Variants in PRMT8 observed in about 807,000 individuals in gnomAD.
PRMT8 encodes protein arginine methyltransferase 8.
In PRMT8, 7 loss-of-function variants were observed where a neutral mutation model predicts 47.1. That is an observed-to-expected ratio of 0.15 (90% CI 0.08 to 0.28). The LOEUF is 0.28. Ranked by LOEUF, PRMT8 falls within the 10% of genes least tolerant of loss-of-function variation. The pLI is 1.00. For missense variants in PRMT8, 237 were observed against 505.4 expected, an observed-to-expected ratio of 0.47 and a Z score of 5.09; for synonymous variants, 188 against 186.5, an observed-to-expected ratio of 1.01 and a Z score of -0.07.
Position 3,569,423 on chromosome 12 carries a change from G to A in PRMT8, c.625-54G>A, listed in dbSNP as rs1423828114. 8.3e-6 allele frequency: 12 copies of A among 1,445,246 alleles called. No individual in the cohort carries two copies. In the Admixed American group the frequency reaches 1.2e-4, roughly 14 times the overall value. The allele number at this position is 1,445,246 out of a possible 1,614,324, so 89.5% of individuals were successfully genotyped here. On this transcript the variant is annotated intron_variant, in intron 5 of 9. Coordinates refer to ENST00000382622, the MANE Select transcript of PRMT8 (RefSeq NM_019854.5). The surrounding 1 kb of genome is among the most constrained non-coding windows in gnomAD (Gnocchi z 8.2). The stretch of plus-strand genomic sequence containing the variant: ...CTCTATGTGCAGTTCAAAATGTGAT[G>A]TCTTTGTCAGGTGAATAGATTACGA...
At position 3,436,294 on chromosome 12, in the gene PRMT8, A is replaced by G. The variant is rs138174153; in HGVS notation, c.48+54852A>G. On this transcript the variant is annotated intron_variant, in intron 1 of 9. Coordinates refer to the PRMT8 transcript ENST00000452611. This position sits in a 1 kb window ranked among gnomAD's most constrained non-coding sequence, Gnocchi z 4.2. ...TCCGTCACCTTCGTTTTTGACACTCACTTGCTTTTCAAACCTCTTAATACA... is the reference window on the plus strand; with the variant it reads ...TCCGTCACCTTCGTTTTTGACACTCGCTTGCTTTTCAAACCTCTTAATACA... Among the ~76,000 whole-genome samples the G allele has an allele frequency of 1.8e-3, 276 of 152,184 alleles. 2 individuals carry two copies. The highest frequency in any genetic ancestry group is 6.4e-3 in the African/African-American group (267 of 41,504).
At chr12:3,469,418 AC>A (rs1321008750) in intron 1 of PRMT8, 1 of 243,188 alleles carries the variant, frequency 4.1e-6, no homozygotes, top group Non-Finnish European at 8.1e-6. Context: ...GGTTCACGCT[AC>A]AGCACAGGTG....
At chr12:3,529,114 C>G (rs75751342) in intron 1 of PRMT8, among the ~76,000 whole-genome samples, 3,145 of 152,230 alleles carry the variant, frequency 0.021, 36 homozygotes, top group Middle Eastern at 0.071. Flanking sequence ...AGGCTCTTCT[C>G]TGTATAGTAT....
intron 1 of PRMT8, among the ~76,000 whole-genome samples, chr12:3,528,550 C>G (rs1194596964): frequency 6.6e-6 from 1 of 152,064 alleles, no homozygotes; most frequent in Non-Finnish European, 1.5e-5. Flanking sequence ...AATCTTTCCT[C>G]CAGCTTCCTG....
intron 8 of PRMT8, among the ~76,000 whole-genome samples, chr12:3,585,665 A>G (rs1011789824): frequency 2.0e-5 from 3 of 151,936 alleles, no homozygotes; most frequent in Non-Finnish European, 4.4e-5. Flanking sequence ...TCCCAGAACC[A>G]GTGCCTCCTG....
At chr12:3,510,669 C>T (rs982607355) in intron 1 of PRMT8, among the ~76,000 whole-genome samples, 2 of 152,204 alleles carry the variant, frequency 1.3e-5, no homozygotes, top group African/African-American at 2.4e-5. Flanking sequence ...GCCTTGTCCA[C>T]AAGGCCAGCT....
At chr12:3,582,336 C>T (rs1235973592) in intron 7 of PRMT8, among the ~76,000 whole-genome samples, 1 of 152,236 alleles carries the variant, frequency 6.6e-6, no homozygotes, top group Non-Finnish European at 1.5e-5. Flanking sequence ...TCATGTTCCA[C>T]GTTCCCCAGC....
intron 7 of PRMT8, among the ~76,000 whole-genome samples, chr12:3,579,833 G>A (rs1036132558): frequency 2.6e-5 from 4 of 152,158 alleles, no homozygotes; most frequent in Admixed American, 6.5e-5. Context: ...GGTGGGGATC[G>A]CAGCGGCCAG....
At chr12:3,401,147 CAAA>C (rs34492092) in intron 1 of PRMT8, among the ~76,000 whole-genome samples, 1 of 46,046 alleles carries the variant, frequency 2.2e-5, no homozygotes, top group Admixed American at 3.1e-4. Context: ...AACTCCATCT[CAAA>C]AAAAAAAAAA....
intron 1 of PRMT8, among the ~76,000 whole-genome samples, chr12:3,387,086 C>G (rs1304631148): frequency 6.6e-6 from 1 of 152,170 alleles, no homozygotes; most frequent in Non-Finnish European, 1.5e-5. Flanking sequence ...TGTTATTGCT[C>G]TTTTTGCATC....
intron 1 of PRMT8, among the ~76,000 whole-genome samples, chr12:3,430,683 T>C (rs1864666220): frequency 6.6e-6 from 1 of 152,264 alleles, no homozygotes; most frequent in African/African-American, 2.4e-5. Context: ...CTTTCTAGTT[T>C]GGCAGCAAGA....
At chr12:3,458,336 T>A (rs1237709641) in intron 1 of PRMT8, among the ~76,000 whole-genome samples, 1 of 152,164 alleles carries the variant, frequency 6.6e-6, no homozygotes, top group East Asian at 1.9e-4. Flanking sequence ...TCCTTGGCGG[T>A]GAGGACCAGA....
At chr12:3,447,395 C>T (rs754482489) in intron 1 of PRMT8, among the ~76,000 whole-genome samples, 1 of 152,056 alleles carries the variant, frequency 6.6e-6, no homozygotes, top group Non-Finnish European at 1.5e-5. Context: ...TTTGTTTTCT[C>T]TATCTGCTTT....
At position 3,570,020 on chromosome 12, in the gene PRMT8, T is replaced by C. The variant is rs76607525; in HGVS notation, c.712+456T>C. On this transcript the variant is annotated intron_variant, in intron 6 of 9. Transcript: ENST00000382622. This position sits in a 1 kb window ranked among gnomAD's most constrained non-coding sequence, Gnocchi z 5.5. ...TATCAAAATAATATTGATTCTCTTATGCAAATACATATTATTTGAGGTTCT... is the reference window on the plus strand; with the variant it reads ...TATCAAAATAATATTGATTCTCTTACGCAAATACATATTATTTGAGGTTCT... 3.0e-3 allele frequency among the ~76,000 whole-genome samples: 463 copies of C among 152,314 alleles called. 8 individuals are homozygous for C. The East Asian group carries it at 0.034, about 11-fold the overall frequency.
rs1865659568 is a variant in PRMT8, at chr12:3,508,197, T to C, written c.75+16497T>C. ...CTTTTAGGAGAAAATTTATAGTTCA[T>C]AATGGGAATAGTCAATTCTGATGTT... On this transcript the variant is annotated intron_variant, in intron 1 of 9. Coordinates refer to ENST00000382622, the MANE Select transcript of PRMT8 (RefSeq NM_019854.5). The surrounding 1 kb of genome is among the most constrained non-coding windows in gnomAD (Gnocchi z 4.9). Among the ~76,000 whole-genome samples, 1 of 152,200 alleles carries C rather than the reference T, an allele frequency of 6.6e-6. No homozygotes were observed. The highest frequency in any genetic ancestry group is 2.4e-5 in the African/African-American group (1 of 41,444).
At chr12:3,540,892 G>C in intron 2 of PRMT8, 101 bp downstream of exon 2, 1 of 1,335,172 alleles carries the variant, frequency 7.5e-7, no homozygotes, top group Non-Finnish European at 1.0e-6. Flanking sequence ...CCATGGTAAA[G>C]GGAGTGCTCC....
In PRMT8 at chr12:3,540,613, G is replaced by GGCCCCCCCGCC; in HGVS notation, c.83_84insGCCCCCCCGCC (p.Ser28ArgfsTer42). ...CCCTTCTCTTCCCCTCAGGTGAACA[G>GGCCCCCCCGCC]CCCCCCCTCCCAGCCCCCCCAGCCC... On this transcript the variant is annotated frameshift_variant, in exon 2 of 10. Transcript: ENST00000382622. LOFTEE classifies it high-confidence loss of function. The GGCCCCCCCGCC allele has an allele frequency of 3.0e-5, 34 of 1,130,520 alleles. No individual in the cohort carries two copies. The highest frequency in any genetic ancestry group is 4.1e-5 in the Non-Finnish European group (31 of 752,490). 70.0% of individuals were successfully genotyped at this position (1,130,520 alleles called of 1,614,324 possible).
upstream of PRMT8, among the ~76,000 whole-genome samples, chr12:3,487,480 CAG>C (rs1214131854): frequency 6.6e-6 from 1 of 152,162 alleles, no homozygotes; most frequent in African/African-American, 2.4e-5. Context: ...AGCATGGGCT[CAG>C]AGTTGACAGG....
chr12:3,422,172 A>G (rs1051979225), intron 1 of PRMT8, among the ~76,000 whole-genome samples: 11 of 152,218 alleles, frequency 7.2e-5, no homozygotes, highest in Non-Finnish European at 1.5e-4. Flanking sequence ...ATGATCCCCA[A>G]GTGCATTTCT....
Sources: gnomAD v4.1 joint callset for allele counts (sites outside exome capture counted in the v4.1 genomes callset) on GRCh38, gnomAD v4.1.1 for gene constraint, Gnocchi (gnomAD v3.1) non-coding constraint, MANE v1.5 for transcripts, NCBI Gene and HGNC (gene_info 2026-07-23, HGNC 2026-07-21) for gene names.